The following ARR3 variants were observed in gnomAD, a reference collection of about 807,000 sequenced individuals.
ARR3 encodes arrestin 3.
Under a neutral mutation model 35.4 loss-of-function variants are expected in ARR3, and 14 were observed. The observed-to-expected ratio is 0.40, with a 90% CI of 0.26 to 0.62. ARR3 has a LOEUF of 0.62. Ranked by LOEUF, ARR3 falls within the 20% of genes least tolerant of loss-of-function variation. The probability of loss-of-function intolerance (pLI) is 0.46; values close to 1 mark genes in which losing one functional copy is unlikely to be tolerated. For missense variants in ARR3, 259 were observed against 303.8 expected, an observed-to-expected ratio of 0.85 and a Z score of 1.10; for synonymous variants, 97 against 119.1, an observed-to-expected ratio of 0.81 and a Z score of 1.21.
chrX:70,276,363 G>A, intron 6 of ARR3, 70 bp from the exon 7 acceptor site: 1 of 1,189,952 alleles, frequency 8.4e-7, no homozygotes, highest in Non-Finnish European at 1.1e-6. Flanking sequence ...AAGGGAGAGG[G>A]TTCCCCATTT....
chrX:70,270,263 A>G, intron 5 of ARR3, 119 bp downstream of exon 5: 1 of 806,012 alleles, frequency 1.2e-6, no homozygotes, highest in Non-Finnish European at 1.8e-6. Context: ...TCTCTGGTGG[A>G]GGCTGACAAC....
chrX:70,275,543 T>C (rs1389317840), intron 5 of ARR3, among the ~76,000 whole-genome samples: 1 of 111,365 alleles, frequency 9.0e-6, no homozygotes, highest in Non-Finnish European at 1.9e-5. Context: ...TTTCCATTTT[T>C]TTCTTTGTTT....
At chrX:70,279,758 C>G (rs1258563877) in intron 12 of ARR3, among the ~76,000 whole-genome samples, 1 of 111,952 alleles carries the variant, frequency 8.9e-6, no homozygotes, top group African/African-American at 3.3e-5. Context: ...TGTGAAGGAT[C>G]TGGATACCAA....
chrX:70,281,664 T>A lies in ARR3; in HGVS notation c.1077-12T>A. The A allele has an allele frequency of 8.5e-7, 1 of 1,172,315 alleles. No homozygotes were observed. The highest frequency in any genetic ancestry group is 1.1e-6 in the Non-Finnish European group (1 of 873,510). On this transcript the variant is annotated splice_polypyrimidine_tract_variant and intron_variant, in intron 16 of 16. Transcript: ENST00000307959. ...TTCCTAACCTTCCATTCTCTTCTGC[T>A]GCTTCTGCAAGCTCTGAGGACATAG...
chrX:70,271,461 G>A (rs2085629806), intron 5 of ARR3, among the ~76,000 whole-genome samples: 1 of 112,017 alleles, frequency 8.9e-6, no homozygotes, highest in Non-Finnish European at 1.9e-5. Flanking sequence ...TGTAAAATAT[G>A]CTTACCCTAT....
rs1350033272 is a variant in ARR3, at chrX:70,276,499, A to T, written c.405+7A>T. 8.3e-7 allele frequency: 1 copy of T among 1,210,077 alleles called. No individual in the cohort carries two copies. Among genetic ancestry groups the T allele is most frequent in the Middle Eastern group, 2.3e-4 (1 of 4,349 alleles). Reference sequence around the variant, plus strand: ...TCCTGAAGATGCAGGAAAGGTGAGGACTGGGTTCTAAGAAAGAGGGATAGG... The same window carrying T: ...TCCTGAAGATGCAGGAAAGGTGAGGTCTGGGTTCTAAGAAAGAGGGATAGG... On this transcript the variant is annotated splice_region_variant and intron_variant, in intron 7 of 16. Transcript: ENST00000307959.
Position 70,281,007 on chromosome X carries a change from G to GT in ARR3, c.1067-92_1067-91insT, listed in dbSNP as rs199822672. 387 of 962,335 alleles carry GT rather than the reference G, an allele frequency of 4.0e-4. 2 individuals carry two copies. In the East Asian group the frequency reaches 0.013, roughly 32 times the overall value. The allele number at this position is 962,335 out of a possible 1,213,427, so 79.3% of individuals were successfully genotyped here. ...GGAGCAAAGGATTGGGAAGTTGGGG[G>GT]GGGGGGAAGTAAAGATACTTCTTCA... On this transcript the variant is annotated intron_variant, in intron 15 of 16. Coordinates refer to ENST00000307959, the MANE Select transcript of ARR3 (RefSeq NM_004312.3).
intron 5 of ARR3, 99 bp downstream of exon 5, chrX:70,270,243 G>A: frequency 1.1e-6 from 1 of 920,292 alleles, no homozygotes; most frequent in African/African-American, 1.9e-5. Flanking sequence ...GGCAGGAACT[G>A]CGAATGCCTT....
chrX:70,273,613 C>T (rs957831152), intron 5 of ARR3, among the ~76,000 whole-genome samples: 9 of 111,871 alleles, frequency 8.0e-5, no homozygotes, highest in Non-Finnish European at 1.5e-4. Context: ...TCAGACAGGC[C>T]TGGGTTGAAA....
At chrX:70,270,244 C>T (rs1602719046) in intron 5 of ARR3, 100 bp downstream of exon 5, 4 of 909,333 alleles carry the variant, frequency 4.4e-6, no homozygotes, top group African/African-American at 1.9e-5. Context: ...GCAGGAACTG[C>T]GAATGCCTTC....
chrX:70,277,465 A>G lies in ARR3; in HGVS notation c.545A>G (p.Gln182Arg), dbSNP rs747478855. 8.3e-7 allele frequency: 1 copy of G among 1,211,674 alleles called. No homozygotes were observed. The highest frequency in any genetic ancestry group is 2.2e-5 in the Admixed American group (1 of 46,060). ...GAGGCAGGCCCTGGCCCCTCAGCCCAGACCATCCGCCGCTTCCTTCTGTCA... is the reference window on the plus strand; with the variant it reads ...GAGGCAGGCCCTGGCCCCTCAGCCCGGACCATCCGCCGCTTCCTTCTGTCA... ...PPEAGPGPSA[Q>R]TIRRFLLSAQ... is the part of the protein sequence containing the mutation. Residue 182 changes from glutamine (Q) to arginine (R), a missense_variant, in exon 9 of 17, where the codon CAG (glutamine) becomes CGG (arginine). Coordinates refer to ENST00000307959, the MANE Select transcript of ARR3 (RefSeq NM_004312.3).
intron 5 of ARR3, among the ~76,000 whole-genome samples, chrX:70,275,827 C>A (rs1286092856): frequency 9.3e-6 from 1 of 107,935 alleles, no homozygotes; most frequent in Non-Finnish European, 1.9e-5. Flanking sequence ...CCACTACCAC[C>A]AAGCCAGGCT....
At position 70,276,654 on chromosome X, in the gene ARR3, C is replaced by T; in HGVS notation, c.406-15C>T. On this transcript the variant is annotated splice_polypyrimidine_tract_variant and intron_variant, in intron 7 of 16. Transcript: ENST00000307959. ...GCACTGGAAATGAGCTCTCTTTGCC[C>T]TTGTCCCTTTACAGCCCTGTGGGAT... 8.3e-7 allele frequency: 1 copy of T among 1,210,210 alleles called. No homozygotes were observed. The highest frequency in any genetic ancestry group is 1.1e-6 in the Non-Finnish European group (1 of 894,126).
At chrX:70,280,357 A>T in intron 13 of ARR3, 79 bp downstream of exon 13, 2 of 1,052,536 alleles carry the variant, frequency 1.9e-6, no homozygotes, top group Non-Finnish European at 2.6e-6. Flanking sequence ...TCCCAGTTAG[A>T]TTGACCCAAT....
intron 16 of ARR3, 184 bp downstream of exon 16, chrX:70,281,292 TC>T (rs2085682963): frequency 2.0e-6 from 1 of 507,239 alleles, no homozygotes; most frequent in Non-Finnish European, 3.3e-6. Flanking sequence ...CCTTTCTGCA[TC>T]CCCCCGCCCT....
At position 70,278,580 on chromosome X, in the gene ARR3, C is replaced by G. The variant is rs772237575; in HGVS notation, c.844C>G (p.Arg282Gly). ...TPILAASCQKRGLALDGKLKH... is the reference protein window; with the variant it reads ...TPILAASCQKGGLALDGKLKH... Reference sequence around the variant, plus strand: ...AATCCTGGCTGCCAGCTGCCAGAAACGGGGCCTGGCACTGGATGGCAAACT... The same window carrying G: ...AATCCTGGCTGCCAGCTGCCAGAAAGGGGGCCTGGCACTGGATGGCAAACT... The change falls in exon 12 of 17, where the codon CGG becomes GGG. Residue 282 changes from arginine (R) to glycine (G), a missense_variant. Coordinates refer to ENST00000307959, the MANE Select transcript of ARR3 (RefSeq NM_004312.3). 8.3e-7 allele frequency: 1 copy of G among 1,210,039 alleles called. No individual in the cohort carries two copies. Among genetic ancestry groups the G allele is most frequent in the Non-Finnish European group, 1.1e-6 (1 of 895,107 alleles).
chrX:70,277,140 C>G (rs982206231), intron 8 of ARR3, among the ~76,000 whole-genome samples: 11 of 112,975 alleles, frequency 9.7e-5, no homozygotes, highest in Non-Finnish European at 1.7e-4. Flanking sequence ...TTATTTCAAC[C>G]ATTTACAAAT....
At position 70,277,434 on chromosome X, in the gene ARR3, C is replaced by A. The variant is rs778983846; in HGVS notation, c.514C>A (p.Pro172Thr). The A allele has an allele frequency of 8.3e-7, 1 of 1,211,700 alleles. No individual in the cohort carries two copies. The highest frequency in any genetic ancestry group is 1.7e-5 in the African/African-American group (1 of 57,851). The change falls in exon 9 of 17, where the codon CCA becomes ACA. Residue 172 changes from proline (P) to threonine (T), a missense_variant. By Grantham distance (38) the Pro-to-Thr change is conservative. Coordinates refer to ENST00000307959, the MANE Select transcript of ARR3 (RefSeq NM_004312.3). ...GGTTGTCCGGAAAGTACAATTTGCA[C>A]CACCGGAGGCAGGCCCTGGCCCCTC... ...RLVVRKVQFA[P>T]PEAGPGPSAQ...
chrX:70,277,459 C>T lies in ARR3; in HGVS notation c.539C>T (p.Ser180Leu), dbSNP rs777990408. Reference sequence around the variant, plus strand: ...CCACCGGAGGCAGGCCCTGGCCCCTCAGCCCAGACCATCCGCCGCTTCCTT... The same window carrying T: ...CCACCGGAGGCAGGCCCTGGCCCCTTAGCCCAGACCATCCGCCGCTTCCTT... ...FAPPEAGPGP[S>L]AQTIRRFLLS... Residue 180 changes from serine to leucine, a missense_variant, in exon 9 of 17, where the codon TCA (serine) becomes TTA (leucine). Coordinates refer to ENST00000307959, the MANE Select transcript of ARR3 (RefSeq NM_004312.3). 3 of 1,209,991 alleles carry T rather than the reference C, an allele frequency of 2.5e-6. No individual in the cohort carries two copies. The highest frequency in any genetic ancestry group is 3.4e-6 in the Non-Finnish European group (3 of 895,089).
Sources: allele counts gnomAD v4.1 joint callset (sites outside exome capture counted in the v4.1 genomes callset), GRCh38; gene constraint gnomAD v4.1.1; transcripts MANE v1.5; gene names NCBI Gene and HGNC (gene_info 2026-07-23, HGNC 2026-07-21).